The following FAT3 variants were observed in gnomAD, a reference collection of about 807,000 sequenced individuals.
The protein encoded by FAT3 is FAT atypical cadherin 3, also known as protocadherin Fat 3.
A neutral mutation model predicts 310.2 loss-of-function variants in FAT3; 95 were observed. That is an observed-to-expected ratio of 0.31 (90% CI 0.26 to 0.36). The LOEUF (loss-of-function observed/expected upper bound fraction) is 0.36. Among genes scored for constraint, FAT3 ranks in the 10% least tolerant of loss-of-function variants. The probability of loss-of-function intolerance (pLI) is 1.00; values close to 1 mark genes in which losing one functional copy is unlikely to be tolerated. For missense variants in FAT3, 5,408 were observed against 5,715.6 expected, an observed-to-expected ratio of 0.95 and a Z score of 1.74; for synonymous variants, 2,314 against 2,192.9, an observed-to-expected ratio of 1.06 and a Z score of -1.54.
rs570442433 is a variant in FAT3 at position 92,556,841 on chromosome 11, A to G, written c.3607+31893A>G. Among the ~76,000 whole-genome samples the G allele has an allele frequency of 5.6e-4, 86 of 152,272 alleles. 1 individual carries two copies. The South Asian group carries it at 0.017, about 30-fold the overall frequency. On this transcript the variant is annotated intron_variant, in intron 3 of 27. Coordinates refer to ENST00000525166, the MANE Select transcript of FAT3 (RefSeq NM_001367949.2). ...GAAAATGCTCCATGATTGCCCAATT[A>G]CAACACTCATAACACCCTAAAATGT...
chr11:92,410,201 CA>C (rs1213724532), intron 2 of FAT3, among the ~76,000 whole-genome samples: 1 of 151,906 alleles, frequency 6.6e-6, no homozygotes, highest in Non-Finnish European at 1.5e-5. Flanking sequence ...TCTACAAATC[CA>C]GAAGTCCTTT....
At chr11:92,701,409 C>G (rs944543865) in intron 4 of FAT3, among the ~76,000 whole-genome samples, 2 of 152,158 alleles carry the variant, frequency 1.3e-5, no homozygotes, top group African/African-American at 4.8e-5. Flanking sequence ...AAATCTGTTA[C>G]TATAAAAGGA....
At chr11:92,518,788 A>G (rs1248760609) in intron 2 of FAT3, among the ~76,000 whole-genome samples, 1 of 152,156 alleles carries the variant, frequency 6.6e-6, no homozygotes, top group Non-Finnish European at 1.5e-5. Flanking sequence ...AATAAAAATA[A>G]TGCATTTTAT....
chr11:92,298,856 T>C (rs1009339901), intron 1 of FAT3, among the ~76,000 whole-genome samples: 8 of 152,106 alleles, frequency 5.3e-5, no homozygotes, highest in Non-Finnish European at 1.2e-4. Context: ...TTCTGTAAGT[T>C]GGATGGATCT....
intron 3 of FAT3, among the ~76,000 whole-genome samples, chr11:92,528,643 C>T (rs1953962270): frequency 6.6e-6 from 1 of 151,024 alleles, no homozygotes; most frequent in African/African-American, 2.4e-5. Context: ...GCCTTGGCCT[C>T]CCAAAGTGCT....
In FAT3 at chr11:92,805,333, G is replaced by C. The variant is rs1565612555; in HGVS notation, c.9077G>C (p.Ser3026Thr). The change falls in exon 11 of 28, where the codon AGC becomes ACC. Residue 3026 changes from serine to threonine, a missense_variant. Ser to Thr is a moderately conservative substitution (Grantham distance 58, BLOSUM62 1). Coordinates refer to ENST00000525166, the MANE Select transcript of FAT3 (RefSeq NM_001367949.2). ...EVSVSDVNDN[S>T]PVCDQVAYTA... ...AGCGTCAGTGATGTGAATGACAATA[G>C]CCCAGTGTGTGATCAGGTGAGATTT... 1 of 1,613,414 alleles carries C rather than the reference G, an allele frequency of 6.2e-7. No homozygotes were observed. The highest frequency in any genetic ancestry group is 8.5e-7 in the Non-Finnish European group (1 of 1,179,632).
intron 1 of FAT3, among the ~76,000 whole-genome samples, chr11:92,316,020 CA>C (rs1361896244): frequency 2.0e-5 from 3 of 151,530 alleles, no homozygotes; most frequent in Non-Finnish European, 2.9e-5. Context: ...ATATACCATG[CA>C]AAAATGATGA....
At chr11:92,401,168 C>T (rs947632297) in intron 2 of FAT3, among the ~76,000 whole-genome samples, 2 of 152,150 alleles carry the variant, frequency 1.3e-5, no homozygotes, top group African/African-American at 2.4e-5. Flanking sequence ...GGATACTTTA[C>T]TAGTTATTTT....
rs71064714 is a variant in FAT3, at chr11:92,486,130, GTTTTTTT to G, written c.3293-38482_3293-38476del. Among the ~76,000 whole-genome samples, 96 of 37,146 alleles carry G rather than the reference GTTTTTTT, an allele frequency of 2.6e-3. 1 individual carries two copies. Among genetic ancestry groups the G allele is most frequent in the African/African-American group, 7.3e-3 (84 of 11,560 alleles). The allele number at this position is 37,146 out of a possible 152,430, so 24.4% of individuals were successfully genotyped here. A position where few individuals can be genotyped will look rare whatever the true frequency, so the allele number is the denominator to read the frequency against. ...GTGAAATAGAGGAGAGGCTGCTGGGGTTTTTTTTTTTTTTTTTTTTTTTTTTTTGGTA... is the reference window on the plus strand; with the variant it reads ...GTGAAATAGAGGAGAGGCTGCTGGGGTTTTTTTTTTTTTTTTTTTTTGGTA... On this transcript the variant is annotated intron_variant, in intron 2 of 27. Transcript: ENST00000525166.
chr11:92,627,240 C>T (rs1217597880), intron 3 of FAT3, among the ~76,000 whole-genome samples: 1 of 152,148 alleles, frequency 6.6e-6, no homozygotes, highest in Non-Finnish European at 1.5e-5. Context: ...AAGAAAGACA[C>T]AGAGCAGTGA....
At chr11:92,666,477 G>A (rs554384889) in intron 3 of FAT3, among the ~76,000 whole-genome samples, 33 of 150,458 alleles carry the variant, frequency 2.2e-4, no homozygotes, top group Middle Eastern at 3.4e-3. Flanking sequence ...TCAGCCTCCC[G>A]AGTAGCTGGG....
chr11:92,731,926 A>G (rs572344266), intron 4 of FAT3, among the ~76,000 whole-genome samples: 5 of 152,286 alleles, frequency 3.3e-5, no homozygotes, highest in African/African-American at 4.8e-5. Context: ...TGCTTAATCA[A>G]TGTTTGTTGA....
At chr11:92,412,963 A>G (rs1432962625) in intron 2 of FAT3, among the ~76,000 whole-genome samples, 2 of 151,520 alleles carry the variant, frequency 1.3e-5, no homozygotes, top group Non-Finnish European at 2.9e-5. Context: ...CAACTCCTAC[A>G]GTTTCCATTA....
In FAT3 at chr11:92,353,904, A is replaced by C. The variant is rs770586274; in HGVS notation, c.1792A>C (p.Thr598Pro). 1 of 1,612,798 alleles carries C rather than the reference A, an allele frequency of 6.2e-7. No individual in the cohort carries two copies. The highest frequency in any genetic ancestry group is 1.3e-5 in the African/African-American group (1 of 75,042). The change falls in exon 2 of 28, where the codon ACA (threonine) becomes CCA (proline). Residue 598 changes from threonine (T) to proline (P), a missense_variant. By Grantham distance (38) the Thr-to-Pro change is conservative. Transcript: ENST00000525166. ...SYDFPVGGHI[T>P]AVSAIDIDEL... ...TGACTTTCCAGTTGGTGGTCACATC[A>C]CAGCAGTCTCAGCGATCGATATCGA...
chr11:92,258,551 C>G (rs1040049971), intron 1 of FAT3, among the ~76,000 whole-genome samples: 2 of 151,972 alleles, frequency 1.3e-5, no homozygotes, highest in African/African-American at 4.8e-5. Context: ...TGTATGGTTT[C>G]ATTTGATTGG....
intron 3 of FAT3, among the ~76,000 whole-genome samples, chr11:92,591,383 G>A (rs1939420148): frequency 6.6e-6 from 1 of 152,114 alleles, no homozygotes; most frequent in Admixed American, 6.6e-5. Context: ...ATGTAGCACT[G>A]TGAGAAAAGA....
At chr11:92,415,826 A>ATCT (rs1223493002) in intron 2 of FAT3, among the ~76,000 whole-genome samples, 1 of 141,336 alleles carries the variant, frequency 7.1e-6, no homozygotes, top group Non-Finnish European at 1.5e-5. Context: ...AAAAGTACCA[A>ATCT]TCTTTTAGCA....
At chr11:92,373,760 GCA>G (rs57651290) in intron 2 of FAT3, among the ~76,000 whole-genome samples, 20,944 of 129,562 alleles carry the variant, frequency 0.16, 1,783 homozygotes, top group East Asian at 0.24. Flanking sequence ...AGATATGTAT[GCA>G]CACACACACA....
chr11:92,454,920 A>G (rs1210934864), intron 2 of FAT3, among the ~76,000 whole-genome samples: 1 of 152,142 alleles, frequency 6.6e-6, no homozygotes, highest in East Asian at 1.9e-4. Context: ...GCCTCATTAT[A>G]CAGATAAAGA....
Sources: allele counts gnomAD v4.1 joint callset (sites outside exome capture counted in the v4.1 genomes callset), GRCh38; gene constraint gnomAD v4.1.1; transcripts MANE v1.5; gene names NCBI Gene and HGNC (gene_info 2026-07-23, HGNC 2026-07-21).